PZP: variants seen among roughly 807,000 people sequenced by gnomAD.
The protein encoded by PZP is PZP alpha-2-macroglobulin like.
In PZP, 150 loss-of-function variants were observed where a neutral mutation model predicts 179.8. The ratio of observed to expected loss-of-function variants is 0.83; its 90% CI spans 0.73 to 0.96. The LOEUF (loss-of-function observed/expected upper bound fraction) is 0.96. PZP is among the 40% of genes least tolerant of loss of function. The pLI, the probability that PZP is intolerant of heterozygous loss-of-function variation, is 0.00. For synonymous variants in PZP, 624 were observed against 652.3 expected, an observed-to-expected ratio of 0.96 and a Z score of 0.66; for missense variants, 1,689 against 1,764.0, an observed-to-expected ratio of 0.96 and a Z score of 0.76.
At chr12:9,162,535 A>T (rs929139098) in intron 22 of PZP, 62 bp downstream of exon 22, 1 of 1,158,300 alleles carries the variant, frequency 8.6e-7, no homozygotes, top group Admixed American at 2.1e-5. Flanking sequence ...GTGCATTGTA[A>T]CTTGAGGTTT....
downstream of PZP, among the ~76,000 whole-genome samples, chr12:9,145,187 G>C (rs1939944711): frequency 6.6e-6 from 1 of 152,002 alleles, no homozygotes; most frequent in African/African-American, 2.4e-5. Flanking sequence ...TTGTTGATAG[G>C]GGAAGATTTA....
chr12:9,150,314 G>A (rs61196270), intron 34 of PZP, among the ~76,000 whole-genome samples: 4 of 151,880 alleles, frequency 2.6e-5, no homozygotes, highest in African/African-American at 7.3e-5. Flanking sequence ...ACGGAGTCTC[G>A]CACCGTCACC....
At position 9,194,116 on chromosome 12, in the gene PZP, G is replaced by T; in HGVS notation, c.1215C>A (p.Ile405=). ...TNEQGLAQFS[I]NTTSISVNKL... is the part of the protein sequence containing the mutation. The stretch of plus-strand genomic sequence containing the variant: ...TATTAACCGAGATACTGGTAGTATT[G>T]ATTGAAAACTGTGCAAGACCCTGCT... Residue 405 remains isoleucine (I), a synonymous_variant, in exon 11 of 36, where the codon ATC becomes ATA. Coordinates refer to ENST00000261336, the MANE Select transcript of PZP (RefSeq NM_002864.3). 1 of 1,613,884 alleles carries T rather than the reference G, an allele frequency of 6.2e-7. No homozygotes were observed. Among genetic ancestry groups the T allele is most frequent in the South Asian group, 1.1e-5 (1 of 91,024 alleles).
chr12:9,200,774 G>A, intron 6 of PZP, 118 bp downstream of exon 6: 1 of 1,061,348 alleles, frequency 9.4e-7, no homozygotes, highest in Non-Finnish European at 1.4e-6. Context: ...GGTCTTAGAA[G>A]CAGTAAGTCT....
At position 9,165,208 on chromosome 12, in the gene PZP, G is replaced by A. The variant is rs1464899737; in HGVS notation, c.2418C>T (p.Tyr806=). Residue 806 remains tyrosine, a synonymous_variant, in exon 19 of 36, where the codon TAC becomes TAT. Coordinates refer to ENST00000261336, the MANE Select transcript of PZP (RefSeq NM_002864.3). ...TGAAGACCTCTCCACGAATCACAGA[G>A]TAAGGCATTGTGAGCTCCACAAAGA... ...QPFFVELTMP[Y]SVIRGEVFTL... 3 of 1,614,198 alleles carry A rather than the reference G, an allele frequency of 1.9e-6. No individual in the cohort carries two copies. The highest frequency in any genetic ancestry group is 2.5e-6 in the Non-Finnish European group (3 of 1,180,028).
At chr12:9,162,739 AC>A in intron 21 of PZP, 91 bp from the exon 22 acceptor site, 1 of 1,038,386 alleles carries the variant, frequency 9.6e-7, no homozygotes, top group Non-Finnish European at 1.4e-6. Context: ...GGTAGGGTTT[AC>A]ACGAATGATG....
chr12:9,154,180 G>A lies in PZP; in HGVS notation c.3774+436C>T, dbSNP rs118067671. On this transcript the variant is annotated intron_variant, in intron 29 of 35. Transcript: ENST00000261336. ...ATGTCTGGAACATTGGTTCCCAACTGGAGGAAATTTTTTCTTGTTTCAACT... is the reference window on the plus strand; with the variant it reads ...ATGTCTGGAACATTGGTTCCCAACTAGAGGAAATTTTTTCTTGTTTCAACT... Among the ~76,000 whole-genome samples, 13 of 152,298 alleles carry A rather than the reference G, an allele frequency of 8.5e-5. No homozygotes were observed. In the East Asian group the frequency reaches 2.5e-3, roughly 29 times the overall value.
chr12:9,152,843 G>C lies in PZP; in HGVS notation c.4102C>G (p.Gln1368Glu). 1 of 1,614,134 alleles carries C rather than the reference G, an allele frequency of 6.2e-7. No homozygotes were observed. The highest frequency in any genetic ancestry group is 8.5e-7 in the Non-Finnish European group (1 of 1,179,990). Reference sequence around the variant, plus strand: ...TCTTACCTGATGGTCAGTGAGATCTGAAAGCTGGTGTGGGCTTTGTGTCCA... The same window carrying C: ...TCTTACCTGATGGTCAGTGAGATCTCAAAGCTGGTGTGGGCTTTGTGTCCA... ...CDGHKAHTSF[Q>E]ISLTISYTGN... The change falls in exon 31 of 36, where the codon CAG becomes GAG. Residue 1368 changes from glutamine (Q) to glutamate (E), a missense_variant. Gln to Glu is a conservative substitution (Grantham distance 29). This residue lies in a region of PZP where 746 missense variants were observed against 749.2 expected (regional missense o/e 1.00). Transcript: ENST00000261336.
intron 2 of PZP, 61 bp from the exon 3 acceptor site, chr12:9,202,745 T>G: frequency 6.7e-7 from 1 of 1,485,582 alleles, no homozygotes; most frequent in South Asian, 1.2e-5. Flanking sequence ...TCTGCATTCT[T>G]CAGTCATTGC....
In PZP at chr12:9,148,986, G is replaced by A. The variant is rs1940157316; in HGVS notation, c.4435C>T (p.His1479Tyr). The A allele has an allele frequency of 6.2e-7, 1 of 1,611,214 alleles. No homozygotes were observed. The highest frequency in any genetic ancestry group is 1.3e-5 in the African/African-American group (1 of 74,814). ...YIAPCSTDTE[H>Y]GNV ...CTGTATGGTCCTCAAACATTTCCAT[G>A]CTCTGTATCTATGGAGAAAAGAAAA... Residue 1479 changes from histidine to tyrosine, a missense_variant, in exon 36 of 36, where the codon CAT becomes TAT. By Grantham distance (83) the His-to-Tyr change is moderately conservative. Transcript: ENST00000261336.
chr12:9,180,670 A>C lies in PZP; in HGVS notation c.1839+313T>G, dbSNP rs1255849913. 3.3e-5 allele frequency among the ~76,000 whole-genome samples: 5 copies of C among 152,338 alleles called. No homozygotes were observed. The East Asian group carries it at 9.6e-4, about 29-fold the overall frequency. ...CAATTCAAGATGGATTAAAGACTTAAATGTTAGACCTAAAACCATAAAAAC... is the reference window on the plus strand; with the variant it reads ...CAATTCAAGATGGATTAAAGACTTACATGTTAGACCTAAAACCATAAAAAC... On this transcript the variant is annotated intron_variant, in intron 15 of 35. Transcript: ENST00000261336.
chr12:9,158,505 G>A lies in PZP; in HGVS notation c.3209C>T (p.Thr1070Ile). Residue 1070 changes from threonine (T) to isoleucine (I), a missense_variant, in exon 26 of 36, where the codon ACC becomes ATC. This residue lies in a region of PZP where 746 missense variants were observed against 749.2 expected (regional missense o/e 1.00). Coordinates refer to ENST00000261336, the MANE Select transcript of PZP (RefSeq NM_002864.3). The part of the protein sequence containing the change: ...SYIFIDEAHI[T>I]QSLTWLSQMQ... ...CTGGGAGAGCCACGTGAGAGATTGG[G>A]TAATGTGTGCTTCATCAATGAAGAT... The A allele has an allele frequency of 1.2e-6, 2 of 1,614,158 alleles. No homozygotes were observed. The highest frequency in any genetic ancestry group is 8.5e-7 in the Non-Finnish European group (1 of 1,180,024).
At chr12:9,191,959 T>A (rs967758990) in intron 13 of PZP, among the ~76,000 whole-genome samples, 4 of 152,192 alleles carry the variant, frequency 2.6e-5, no homozygotes, top group African/African-American at 9.6e-5. Context: ...AGAAACAAAC[T>A]AAAGTGAAAA....
intron 18 of PZP, 71 bp from the exon 19 acceptor site, chr12:9,165,438 T>A: frequency 6.5e-7 from 1 of 1,543,646 alleles, no homozygotes; most frequent in Non-Finnish European, 8.9e-7. Flanking sequence ...AGAATTAATA[T>A]GCATAAAGCT....
downstream of PZP, among the ~76,000 whole-genome samples, chr12:9,147,032 CA>C (rs1940046077): frequency 6.6e-6 from 1 of 152,198 alleles, no homozygotes; most frequent in South Asian, 2.1e-4. Context: ...TCCTTTCTTC[CA>C]AGGTGGGGCT....
chr12:9,197,620 A>T (rs186885195), intron 7 of PZP, among the ~76,000 whole-genome samples: 6 of 87,024 alleles, frequency 6.9e-5, no homozygotes, highest in Admixed American at 2.1e-4. Flanking sequence ...TTATATATTT[A>T]TATATTATAT....
At chr12:9,153,666 A>C (rs761808849) in intron 29 of PZP, among the ~76,000 whole-genome samples, 7 of 152,336 alleles carry the variant, frequency 4.6e-5, no homozygotes, top group African/African-American at 1.7e-4. Context: ...TAAGTAGATG[A>C]TTGACCAGTT....
chr12:9,172,569 A>G (rs1340607287), intron 15 of PZP, among the ~76,000 whole-genome samples: 2 of 152,210 alleles, frequency 1.3e-5, no homozygotes, highest in African/African-American at 4.8e-5. Flanking sequence ...ACCCATCATC[A>G]GTATGCTATC....
downstream of PZP, among the ~76,000 whole-genome samples, chr12:9,145,755 C>T (rs756466236): frequency 6.6e-6 from 1 of 152,114 alleles, no homozygotes; most frequent in African/African-American, 2.4e-5. Context: ...CCTCAGCTTT[C>T]GTTTGTCTGA....
Sources: allele counts gnomAD v4.1 joint callset (sites outside exome capture counted in the v4.1 genomes callset), GRCh38; gene constraint gnomAD v4.1.1; regional missense constraint gnomAD v4.1.1; transcripts MANE v1.5; gene names NCBI Gene and HGNC (gene_info 2026-07-23, HGNC 2026-07-21).